Variants in SHOX observed in about 807,000 individuals in gnomAD.
The protein encoded by SHOX is SHOX homeobox.
A neutral mutation model predicts 29.6 loss-of-function variants in SHOX; 12 were observed. The observed-to-expected ratio is 0.41, with a 90% CI of 0.26 to 0.66. The LOEUF (loss-of-function observed/expected upper bound fraction) is 0.66, where lower values mean the gene tolerates loss of function less well. Among genes scored for constraint, SHOX ranks in the 30% least tolerant of loss-of-function variants. The probability of loss-of-function intolerance (pLI) is 0.35; values close to 1 mark genes in which losing one functional copy is unlikely to be tolerated. For missense variants in SHOX, 499 were observed against 437.7 expected (o/e 1.14, Z -1.25); for synonymous variants, 214 against 200.6 (o/e 1.07, Z -0.57).
At chrX:638,436 C>T (rs750512552) in intron 2 of SHOX, among the ~76,000 whole-genome samples, 171 of 152,142 alleles carry the variant, frequency 1.1e-3, no homozygotes, top group African/African-American at 4.0e-3. Flanking sequence ...AGTGGCAGGT[C>T]ACCTGGATGG....
chrX:655,610 CTCTCTATATATATATATATATATATATA>C (rs1383721410), downstream of SHOX, among the ~76,000 whole-genome samples: 72 of 19,142 alleles, frequency 3.8e-3, no homozygotes, highest in East Asian at 4.9e-3. Context: ...CTCTCTCTCT[CTCTCTATATATATATATATATATATATA>C]TATATATATA....
At position 658,831 on chromosome X, in the gene SHOX, C is replaced by A. The variant is rs770586875; in HGVS notation, c.*2C>A. On this transcript the variant is annotated 3_prime_UTR_variant, in exon 6 of 6. Transcript: ENST00000334060. ...CCGGGCTGGAGTATAATGGCATGAT[C>A]TCGACTCACTGCAACCTCCGCCTCC... 16 of 401,898 alleles carry A rather than the reference C, an allele frequency of 4.0e-5. No individual in the cohort carries two copies. The highest frequency in any genetic ancestry group is 2.4e-4 in the South Asian group (13 of 54,680). 24.9% of individuals were successfully genotyped at this position (401,898 alleles called of 1,614,324 possible). A position where few individuals can be genotyped will look rare whatever the true frequency, so the allele number is the denominator to read the frequency against.
At chrX:624,357 C>G (rs1397446276) in exon 1 of SHOX, 1 of 149,724 alleles carries the variant, frequency 6.7e-6, no homozygotes, top group Non-Finnish European at 1.5e-5. Context: ...CTGCTTTTGC[C>G]CGGGTCCTGA....
intron 2 of SHOX, among the ~76,000 whole-genome samples, chrX:636,176 TGTA>T: frequency 6.8e-6 from 1 of 147,362 alleles, no homozygotes; most frequent in African/African-American, 2.5e-5. Flanking sequence ...CATAAATGTA[TGTA>T]AATATATATA....
intron 2 of SHOX, among the ~76,000 whole-genome samples, chrX:640,580 C>G (rs1187975669): frequency 6.6e-6 from 1 of 152,032 alleles, no homozygotes; most frequent in East Asian, 1.9e-4. Context: ...GATTTCAGAA[C>G]CACCACCACC....
In SHOX at chrX:645,390, ATTTTTTTTTTTTTTTTTTTTTT is replaced by A. The variant is rs1168989193; in HGVS notation, c.*766_*787del. On this transcript the variant is annotated 3_prime_UTR_variant, in exon 5 of 5. Transcript: ENST00000686671. ...GGGTCTGGTTTTGTTTTGGATTGGTATTTTTTTTTTTTTTTTTTTTTTTTTTTTTTTTTGCTGTGTTACAGGA... is the reference window on the plus strand; with the variant it reads ...GGGTCTGGTTTTGTTTTGGATTGGTATTTTTTTTTTTGCTGTGTTACAGGA... 1 of 78,332 alleles carries A rather than the reference ATTTTTTTTTTTTTTTTTTTTTT, an allele frequency of 1.3e-5. No individual in the cohort carries two copies. The highest frequency in any genetic ancestry group is 1.7e-4 in the Admixed American group (1 of 6,014). The allele number at this position is 78,332 out of a possible 1,614,324, so 4.9% of individuals were successfully genotyped here.
At chrX:640,914 G>A (rs369929237) in intron 3 of SHOX, 36 bp downstream of exon 3, 1 of 1,613,302 alleles carries the variant, frequency 6.2e-7, no homozygotes, top group Non-Finnish European at 8.5e-7. Flanking sequence ...GAAGCTGGGG[G>A]ATCCTGCTCC....
chrX:631,029 G>A lies in SHOX; in HGVS notation c.132G>A (p.Ala44=), dbSNP rs1037369829. The A allele has an allele frequency of 1.9e-6, 3 of 1,613,650 alleles. No homozygotes were observed. Among genetic ancestry groups the A allele is most frequent in the African/African-American group, 1.3e-5 (1 of 74,914 alleles). The change falls in exon 1 of 5, where the codon GCG becomes GCA. Residue 44 remains alanine (A), a synonymous_variant. Coordinates refer to ENST00000686671, the MANE Select transcript of SHOX (RefSeq NM_000451.4). The stretch of plus-strand genomic sequence containing the variant: ...GGGAAGTTTTGGAGAGCGGACTGGC[G>A]CGCTCCCGGGAGCTGGGGACGTCGG... The part of the protein sequence containing the change: ...TYREVLESGL[A]RSRELGTSDS...
rs1398738646 is a variant in SHOX, at chrX:645,388, G to GTT, written c.*753_*754insTT. 3.7e-3 allele frequency: 290 copies of GTT among 77,620 alleles called. No homozygotes were observed. Among genetic ancestry groups the GTT allele is most frequent in the Middle Eastern group, 0.018 (2 of 114 alleles). 4.8% of individuals were successfully genotyped at this position (77,620 alleles called of 1,614,324 possible). ...TTGGGTCTGGTTTTGTTTTGGATTG[G>GTT]TATTTTTTTTTTTTTTTTTTTTTTT... On this transcript the variant is annotated 3_prime_UTR_variant, in exon 5 of 5. Transcript: ENST00000686671.
chrX:633,498 C>G (rs894063266), intron 1 of SHOX, among the ~76,000 whole-genome samples: 23 of 152,162 alleles, frequency 1.5e-4, no homozygotes, highest in African/African-American at 5.3e-4. Flanking sequence ...TGGGAGGGCC[C>G]TGGTGTGGAT....
rs28592040 is a variant in SHOX, at chrX:649,834, C to A, written c.*5198C>A. ...AAATAGTCCGTGGAGGGTTGTCAGT[C>A]GCCGCAGTTGAGCAAAAAACACTTC... is the stretch of plus-strand genomic sequence containing the variant. On this transcript the variant is annotated 3_prime_UTR_variant, in exon 5 of 5. Coordinates refer to ENST00000686671, the MANE Select transcript of SHOX (RefSeq NM_000451.4). 21 of 447,342 alleles carry A rather than the reference C, an allele frequency of 4.7e-5. No individual in the cohort carries two copies. Among genetic ancestry groups the A allele is most frequent in the South Asian group, 3.2e-4 (20 of 62,534 alleles). The allele number at this position is 447,342 out of a possible 1,614,324, so 27.7% of individuals were successfully genotyped here.
chrX:633,850 T>A (rs2052691118), intron 1 of SHOX, among the ~76,000 whole-genome samples: 1 of 152,086 alleles, frequency 6.6e-6, no homozygotes, highest in African/African-American at 2.4e-5. Flanking sequence ...ATGTCTAAAA[T>A]GAGGAAGAAA....
upstream of SHOX, among the ~76,000 whole-genome samples, chrX:628,115 C>T (rs1239818274): frequency 6.6e-6 from 1 of 151,712 alleles, no homozygotes; most frequent in Non-Finnish European, 1.5e-5. Context: ...GTCTCTGCCT[C>T]TCTTTGTCTC....
Position 639,352 on chromosome X carries a change from C to A in SHOX, c.487-1469C>A, listed in dbSNP as rs933069549. Among the ~76,000 whole-genome samples the A allele has an allele frequency of 3.3e-4, 51 of 152,282 alleles. 1 individual carries two copies. The South Asian group carries it at 5.4e-3, about 16-fold the overall frequency. Reference sequence around the variant, plus strand: ...GGGACCCTTGGTAATATGAATGGGACGCCTTCAGCTCCCCAGGGCTTCCGA... The same window carrying A: ...GGGACCCTTGGTAATATGAATGGGAAGCCTTCAGCTCCCCAGGGCTTCCGA... On this transcript the variant is annotated intron_variant, in intron 2 of 4. Coordinates refer to ENST00000686671, the MANE Select transcript of SHOX (RefSeq NM_000451.4).
intron 2 of SHOX, among the ~76,000 whole-genome samples, chrX:639,568 G>A (rs191002184): frequency 7.0e-4 from 106 of 152,354 alleles, no homozygotes; most frequent in Non-Finnish European, 2.9e-5. Flanking sequence ...GTCTACAGGA[G>A]TTGGGGGGCG....
At chrX:636,970 A>ATATATATATATATTT (rs1458275715) in intron 2 of SHOX, among the ~76,000 whole-genome samples, 3 of 137,326 alleles carry the variant, frequency 2.2e-5, no homozygotes, top group Admixed American at 7.6e-5. Flanking sequence ...ATATATATAT[A>ATATATATATATATTT]TTTTGGCTCC....
At chrX:629,145 GTC>G (rs1263108697), upstream of SHOX, among the ~76,000 whole-genome samples, 1 of 139,196 alleles carries the variant, frequency 7.2e-6, no homozygotes, top group African/African-American at 2.7e-5. Context: ...GTCTCTCCCT[GTC>G]TGTTTCTCTC....
chrX:643,556 A>ACCCGGGAGAGGCTTGGGGACCTGGTGT (rs1229269250), intron 4 of SHOX, among the ~76,000 whole-genome samples: 3,153 of 72,652 alleles, frequency 0.043, 71 homozygotes, highest in Non-Finnish European at 0.046. Flanking sequence ...GGACCTAGTG[A>ACCCGGGAGAGGCTTGGGGACCTGGTGT]CCCGGGAGAG....
chrX:651,330 C>T lies in SHOX; in HGVS notation c.*6694C>T, dbSNP rs1032848847. 1 of 455,476 alleles carries T rather than the reference C, an allele frequency of 2.2e-6. No homozygotes were observed. Among genetic ancestry groups the T allele is most frequent in the South Asian group, 1.5e-5 (1 of 64,524 alleles). 28.2% of individuals were successfully genotyped at this position (455,476 alleles called of 1,614,324 possible). A position where few individuals can be genotyped will look rare whatever the true frequency, so the allele number is the denominator to read the frequency against. On this transcript the variant is annotated 3_prime_UTR_variant, in exon 5 of 5. Transcript: ENST00000686671. Reference sequence around the variant, plus strand: ...TGAAAACAAATCACACACCGTTTCCCAAACCAACAGTCTTCACATTTCTAT... The same window carrying T: ...TGAAAACAAATCACACACCGTTTCCTAAACCAACAGTCTTCACATTTCTAT...
Sources: allele counts gnomAD v4.1 joint callset (sites outside exome capture counted in the v4.1 genomes callset), GRCh38; gene constraint gnomAD v4.1.1; transcripts MANE v1.5; gene names NCBI Gene and HGNC (gene_info 2026-07-23, HGNC 2026-07-21).